TENM2: variants seen among roughly 807,000 people sequenced by gnomAD.
TENM2 encodes teneurin-2.
TENM2 carries 52 observed loss-of-function variants against 245.2 expected under a neutral mutation model. That is an observed-to-expected ratio of 0.21 (90% confidence interval 0.17 to 0.27). The LOEUF is 0.27. Ranked by LOEUF, TENM2 falls within the 10% of genes least tolerant of loss-of-function variation. The pLI, the probability that TENM2 is intolerant of heterozygous loss-of-function variation, is 1.00. For synonymous variants in TENM2, 1,363 were observed against 1,438.9 expected (o/e 0.95, Z 1.19); for missense variants, 3,046 against 3,666.8 (o/e 0.83, Z 4.37).
intron 25 of TENM2, among the ~76,000 whole-genome samples, chr5:168,234,794 A>G (rs1364471984): frequency 6.6e-6 from 1 of 152,248 alleles, no homozygotes; most frequent in Non-Finnish European, 1.5e-5. Flanking sequence ...TGTGATTTAC[A>G]TAGAGATTGC....
chr5:168,150,578 A>G (rs937088450), intron 12 of TENM2, among the ~76,000 whole-genome samples: 1 of 152,190 alleles, frequency 6.6e-6, no homozygotes, highest in South Asian at 2.1e-4. Flanking sequence ...CCAAATTCCC[A>G]TCCAAACCTG....
intron 2 of TENM2, among the ~76,000 whole-genome samples, chr5:167,408,742 A>G (rs1762756290): frequency 6.6e-6 from 1 of 151,408 alleles, no homozygotes; most frequent in African/African-American, 2.4e-5. Flanking sequence ...GCCAAGACAT[A>G]GTATTTTAGA....
intron 23 of TENM2, among the ~76,000 whole-genome samples, chr5:168,225,761 CAAAAAAA>C (rs567948197): frequency 8.7e-5 from 5 of 57,146 alleles, no homozygotes; most frequent in Admixed American, 4.1e-4. Context: ...TCCATCATCT[CAAAAAAA>C]AAAAAAAAAA....
chr5:168,218,812 G>A lies in TENM2; in HGVS notation c.4921G>A (p.Asp1641Asn). 5 of 1,613,970 alleles carry A rather than the reference G, an allele frequency of 3.1e-6. No homozygotes were observed. Among genetic ancestry groups the A allele is most frequent in the Non-Finnish European group, 4.2e-6 (5 of 1,179,890 alleles). ...TGGGAATTCCCTGAAGATCCGTCGG[G>A]ACAGCAGTGGCATGCCCCGTCACCT... The change falls in exon 23 of 29, where the codon GAC becomes AAC. Residue 1641 changes from aspartate to asparagine, a missense_variant. Coordinates refer to ENST00000518659, the Ensembl canonical transcript of TENM2. The surrounding 1 kb of genome is among the most constrained non-coding windows in gnomAD (Gnocchi z 5.2).
At chr5:167,445,369 A>AGAGAGAGAGAGAGAGAGTGAGT (rs35699708) in intron 2 of TENM2, among the ~76,000 whole-genome samples, 62 of 98,544 alleles carry the variant, frequency 6.3e-4, no homozygotes, top group African/African-American at 2.3e-3. Flanking sequence ...AGAGAGAGAG[A>AGAGAGAGAGAGAGAGAGTGAGT]GTGTCAGGTG....
intron 1 of TENM2, among the ~76,000 whole-genome samples, chr5:167,362,284 A>G (rs529280712): frequency 2.0e-5 from 3 of 152,334 alleles, no homozygotes; most frequent in Admixed American, 1.3e-4. Context: ...GAGGCTTAGT[A>G]TGGTTTTAGA....
At chr5:167,014,414 C>A in the TENM2 span, among the ~76,000 whole-genome samples, 1 of 151,784 alleles carries the variant, frequency 6.6e-6, no homozygotes, top group Non-Finnish European at 1.5e-5. Context: ...TCTTCTTTTC[C>A]TAACTATATT....
At chr5:166,998,188 CA>C in the TENM2 span, among the ~76,000 whole-genome samples, 3 of 152,164 alleles carry the variant, frequency 2.0e-5, no homozygotes, top group East Asian at 3.9e-4. Flanking sequence ...AATGCTGATA[CA>C]AAGGAGAAAA....
At chr5:168,219,365 G>A (rs947295247) in intron 23 of TENM2, among the ~76,000 whole-genome samples, 1 of 152,100 alleles carries the variant, frequency 6.6e-6, no homozygotes, top group African/African-American at 2.4e-5. Flanking sequence ...ATCCCAGTGG[G>A]GTTCCTGTAA....
intron 2 of TENM2, among the ~76,000 whole-genome samples, chr5:167,451,803 C>T (rs977541087): frequency 2.2e-4 from 34 of 152,082 alleles, no homozygotes; most frequent in Admixed American, 2.1e-3. Context: ...TGCCTGCCAC[C>T]ACGCCCGGCT....
intron 4 of TENM2, among the ~76,000 whole-genome samples, chr5:167,958,617 C>T (rs1780745988): frequency 6.6e-6 from 1 of 152,120 alleles, no homozygotes; most frequent in South Asian, 2.1e-4. Context: ...TGGCTGGTAC[C>T]AGTTTTTCCT....
rs1778949411 is a variant in TENM2, at chr5:167,632,651, A to G, written c.503-243335A>G. Among the ~76,000 whole-genome samples, 5 of 152,172 alleles carry G rather than the reference A, an allele frequency of 3.3e-5. No individual in the cohort carries two copies. The South Asian group carries it at 8.3e-4, about 25-fold the overall frequency. ...GAGCACACCAGTATAGGTGACTGGT[A>G]TACACACTAGGAAAATTCACGCACA... On this transcript the variant is annotated intron_variant, in intron 2 of 28. Transcript: ENST00000518659.
At chr5:168,088,529 C>G (rs1299821087) in intron 7 of TENM2, among the ~76,000 whole-genome samples, 1 of 152,194 alleles carries the variant, frequency 6.6e-6, no homozygotes, top group Non-Finnish European at 1.5e-5. Context: ...CCACGCACTG[C>G]TCGTCCGTAA....
rs374391709 is a variant in TENM2, at chr5:167,980,574, C to T, written c.948-12370C>T. ...CGGAGAGGTTAGGAAGAGATGACCT[C>T]GACCATCACAAGACGCCTTATAGGC... On this transcript the variant is annotated intron_variant, in intron 4 of 28. Transcript: ENST00000518659. 6.6e-5 allele frequency among the ~76,000 whole-genome samples: 10 copies of T among 152,150 alleles called. No homozygotes were observed. In the South Asian group the frequency reaches 2.1e-3, roughly 32 times the overall value.
At chr5:167,915,181 T>A (rs956072573) in intron 3 of TENM2, among the ~76,000 whole-genome samples, 3 of 151,884 alleles carry the variant, frequency 2.0e-5, no homozygotes, top group Non-Finnish European at 4.4e-5. Flanking sequence ...ATGGAGATAG[T>A]TTTTCCCCAA....
intron 5 of TENM2, among the ~76,000 whole-genome samples, chr5:168,031,342 G>T (rs1344879716): frequency 6.6e-6 from 1 of 152,142 alleles, no homozygotes; most frequent in African/African-American, 2.4e-5. Flanking sequence ...AATTCAAAAG[G>T]CAAGCCATCT....
At chr5:168,113,748 A>G (rs892293925) in intron 9 of TENM2, among the ~76,000 whole-genome samples, 1 of 152,034 alleles carries the variant, frequency 6.6e-6, no homozygotes, top group African/African-American at 2.4e-5. Flanking sequence ...GTGGTAATTT[A>G]TTTTTCTTCT....
the TENM2 span, among the ~76,000 whole-genome samples, chr5:167,040,127 A>G: frequency 6.6e-6 from 1 of 152,068 alleles, no homozygotes. Flanking sequence ...TCAAAAATCA[A>G]ATCTCCTCAT....
At chr5:167,767,799 G>T (rs1176789991) in intron 2 of TENM2, among the ~76,000 whole-genome samples, 1 of 152,202 alleles carries the variant, frequency 6.6e-6, no homozygotes, top group Non-Finnish European at 1.5e-5. Flanking sequence ...TATACTTGAA[G>T]TCTGTAGACC....
Sources: allele counts gnomAD v4.1 joint callset (sites outside exome capture counted in the v4.1 genomes callset), GRCh38; gene constraint gnomAD v4.1.1; non-coding constraint Gnocchi (gnomAD v3.1); transcripts MANE v1.5; gene names NCBI Gene and HGNC (gene_info 2026-07-23, HGNC 2026-07-21).